The following SLC18A2 variants were observed in gnomAD, a reference collection of about 807,000 sequenced individuals.
The protein encoded by SLC18A2 is synaptic vesicular amine transporter.
SLC18A2 carries 33 observed loss-of-function variants against 59.2 expected under a neutral mutation model. The observed-to-expected ratio is 0.56, with a 90% CI of 0.42 to 0.75. The LOEUF is 0.75. Among genes scored for constraint, SLC18A2 ranks in the 30% least tolerant of loss-of-function variants. SLC18A2 has a pLI of 0.00. For missense variants in SLC18A2, 569 were observed against 668.6 expected (o/e 0.85, Z 1.64); for synonymous variants, 228 against 253.5 (o/e 0.90, Z 0.95).
rs140719988 is a variant in SLC18A2, at chr10:117,257,532, G to A, written c.896-265G>A. Among the ~76,000 whole-genome samples, 5 of 152,250 alleles carry A rather than the reference G, an allele frequency of 3.3e-5. No homozygotes were observed. In the East Asian group the frequency reaches 9.6e-4, roughly 29 times the overall value. On this transcript the variant is annotated intron_variant, in intron 9 of 15. Coordinates refer to ENST00000644641, the MANE Select transcript of SLC18A2 (RefSeq NM_003054.6). ...TCTTCATTGATAAAACCATAATTGG[G>A]TAGGTTAAACCAAAGGAACTCTAGG...
At chr10:117,248,273 T>G (rs1589978076) in intron 3 of SLC18A2, among the ~76,000 whole-genome samples, 1 of 152,164 alleles carries the variant, frequency 6.6e-6, no homozygotes, top group East Asian at 1.9e-4. Context: ...CCCTGTCTGT[T>G]TTTTTTAAAT....
At chr10:117,244,830 G>A (rs1163359088) in intron 3 of SLC18A2, among the ~76,000 whole-genome samples, 1 of 152,240 alleles carries the variant, frequency 6.6e-6, no homozygotes, top group African/African-American at 2.4e-5. Flanking sequence ...CGCAGATGGA[G>A]CTCCGAGTTG....
intron 13 of SLC18A2, among the ~76,000 whole-genome samples, chr10:117,268,839 T>C (rs1054285730): frequency 1.3e-5 from 2 of 152,110 alleles, no homozygotes; most frequent in Non-Finnish European, 1.5e-5. Context: ...TGTGTGTGTG[T>C]GTGTATGCAT....
intron 11 of SLC18A2, 40 bp from the exon 12 acceptor site, chr10:117,266,944 T>G (rs1844355265): frequency 6.2e-7 from 1 of 1,601,048 alleles, no homozygotes; most frequent in African/African-American, 1.3e-5. Context: ...TAGAAAAAAA[T>G]CAAATGATCA....
At chr10:117,256,078 T>C (rs1361974028) in intron 9 of SLC18A2, among the ~76,000 whole-genome samples, 3 of 152,118 alleles carry the variant, frequency 2.0e-5, no homozygotes, top group African/African-American at 7.2e-5. Context: ...CATATATGAA[T>C]AGAAACTGAC....
intron 2 of SLC18A2, among the ~76,000 whole-genome samples, chr10:117,243,554 C>T (rs1483744897): frequency 2.0e-5 from 3 of 152,180 alleles, no homozygotes; most frequent in Non-Finnish European, 4.4e-5. Flanking sequence ...CCTCTTCTGG[C>T]ATTTGACACA....
intron 10 of SLC18A2, among the ~76,000 whole-genome samples, chr10:117,264,241 C>G (rs1844324370): frequency 6.6e-6 from 1 of 152,222 alleles, no homozygotes; most frequent in South Asian, 2.1e-4. Flanking sequence ...AGGGAGGGTT[C>G]CTGCCATGGC....
At chr10:117,268,989 TACACACAAAC>T (rs78513088) in intron 13 of SLC18A2, among the ~76,000 whole-genome samples, 2 of 150,766 alleles carry the variant, frequency 1.3e-5, no homozygotes, top group Non-Finnish European at 3.0e-5. Context: ...CACACATTCA[TACACACAAAC>T]ACACATACAC....
chr10:117,244,599 G>T (rs1303874026), intron 3 of SLC18A2, among the ~76,000 whole-genome samples: 1 of 152,220 alleles, frequency 6.6e-6, no homozygotes, highest in African/African-American at 2.4e-5. Flanking sequence ...TAAATGCCAG[G>T]TTTCGTAAGT....
intron 15 of SLC18A2, among the ~76,000 whole-genome samples, chr10:117,272,243 C>T (rs912196429): frequency 2.6e-5 from 4 of 152,204 alleles, no homozygotes; most frequent in African/African-American, 9.7e-5. Context: ...AACTCTCTGG[C>T]TTCCCCCGTC....
chr10:117,261,641 T>C (rs1844295596), intron 10 of SLC18A2, among the ~76,000 whole-genome samples: 2 of 152,324 alleles, frequency 1.3e-5, no homozygotes, highest in South Asian at 4.1e-4. Flanking sequence ...TGGCTTAGAC[T>C]TTCCCTGTTC....
At chr10:117,277,067 G>A in intron 15 of SLC18A2, 95 bp from the exon 16 acceptor site, 2 of 721,626 alleles carry the variant, frequency 2.8e-6, no homozygotes, top group Non-Finnish European at 2.3e-6. Context: ...ATACTACATA[G>A]TTTTCAAACT....
At position 117,247,075 on chromosome 10, in the gene SLC18A2, C is replaced by T. The variant is rs73389844; in HGVS notation, c.464+2762C>T. 2.1e-3 allele frequency among the ~76,000 whole-genome samples: 316 copies of T among 152,306 alleles called. 2 individuals are homozygous for T. Among genetic ancestry groups the T allele is most frequent in the African/African-American group, 7.2e-3 (299 of 41,568 alleles). On this transcript the variant is annotated intron_variant, in intron 3 of 15. Coordinates refer to ENST00000644641, the MANE Select transcript of SLC18A2 (RefSeq NM_003054.6). ...GACACTCCAAGATTCTGCTTCCCAC[C>T]GCAGTTCAGATGGATTCAGAGAAGG... is the stretch of plus-strand genomic sequence containing the variant.
rs1844200964 is a variant in SLC18A2, at chr10:117,254,281, C to A, written c.608-124C>A. The A allele has an allele frequency of 2.6e-6, 3 of 1,164,364 alleles. No homozygotes were observed. In the Admixed American group the frequency reaches 6.2e-5, roughly 24 times the overall value. 72.1% of individuals were successfully genotyped at this position (1,164,364 alleles called of 1,614,324 possible). On this transcript the variant is annotated intron_variant, in intron 5 of 15. Transcript: ENST00000644641. ...TCCTCTTGGGTTCTGCTTGGTCTTACATTTTAGTGAATCTGACAGGTTTGG... is the reference window on the plus strand; with the variant it reads ...TCCTCTTGGGTTCTGCTTGGTCTTAAATTTTAGTGAATCTGACAGGTTTGG...
rs1480307241 is a variant in SLC18A2, at chr10:117,276,510, A to AGGCTGAGGTGGGAGGGT, written c.1441-651_1441-635dup. Among the ~76,000 whole-genome samples, 5 of 147,572 alleles carry AGGCTGAGGTGGGAGGGT rather than the reference A, an allele frequency of 3.4e-5. No individual in the cohort carries two copies. The Admixed American group carries it at 3.4e-4, about 10-fold the overall frequency. ...ACACCTGTAATATCAGCTACTTGGG[A>AGGCTGAGGTGGGAGGGT]GGCTGAGGTGGGAGGGTTGCTTGAA... On this transcript the variant is annotated intron_variant, in intron 15 of 15. Coordinates refer to ENST00000644641, the MANE Select transcript of SLC18A2 (RefSeq NM_003054.6).
intron 3 of SLC18A2, among the ~76,000 whole-genome samples, 168 bp downstream of exon 3, chr10:117,244,481 A>G (rs1371415984): frequency 1.3e-5 from 2 of 152,246 alleles, no homozygotes; most frequent in Non-Finnish European, 2.9e-5. Flanking sequence ...CCAGATAACC[A>G]CAATTTCCTA....
intron 3 of SLC18A2, among the ~76,000 whole-genome samples, chr10:117,248,243 G>T (rs890600255): frequency 6.6e-6 from 1 of 152,064 alleles, no homozygotes. Context: ...GGGATTACAG[G>T]CGTGAGCCAC....
At chr10:117,252,931 C>T (rs1385627198) in intron 3 of SLC18A2, among the ~76,000 whole-genome samples, 2 of 152,188 alleles carry the variant, frequency 1.3e-5, no homozygotes, top group Non-Finnish European at 2.9e-5. Flanking sequence ...GGGTTGGCCT[C>T]ATGGGGTCAA....
rs1333946155 is a variant in SLC18A2, at chr10:117,255,534, G to T, written c.834+12G>T. ...GGGTGCAGCCAGAGGTAAGCGGCTG[G>T]GAATGAGGGCCCTGGGGGAGGGGGC... On this transcript the variant is annotated intron_variant, in intron 8 of 15. Transcript: ENST00000644641. 1 of 1,614,170 alleles carries T rather than the reference G, an allele frequency of 6.2e-7. No homozygotes were observed. The highest frequency in any genetic ancestry group is 1.7e-5 in the Admixed American group (1 of 60,032).
Sources: allele counts gnomAD v4.1 joint callset (sites outside exome capture counted in the v4.1 genomes callset), GRCh38; gene constraint gnomAD v4.1.1; transcripts MANE v1.5; gene names NCBI Gene and HGNC (gene_info 2026-07-23, HGNC 2026-07-21).